CDK12: variants seen among roughly 807,000 people sequenced by gnomAD.
CDK12 encodes cyclin dependent kinase 12, also known as cyclin-dependent kinase 12.
CDK12 carries 17 observed loss-of-function variants against 133.8 expected under a neutral mutation model. The observed-to-expected ratio is 0.13, with a 90% CI of 0.09 to 0.19. The LOEUF (loss-of-function observed/expected upper bound fraction) is 0.19, where lower values mean the gene tolerates loss of function less well. Among genes scored for constraint, CDK12 ranks in the 10% least tolerant of loss-of-function variants. CDK12 has a pLI of 1.00. For missense variants in CDK12, 1,508 were observed against 1,818.7 expected, an observed-to-expected ratio of 0.83 and a Z score of 3.11; for synonymous variants, 694 against 683.6, an observed-to-expected ratio of 1.02 and a Z score of -0.24.
At chr17:39,557,228 G>A (rs756099900) in intron 3 of CDK12, among the ~76,000 whole-genome samples, 8 of 152,166 alleles carry the variant, frequency 5.3e-5, no homozygotes, top group Non-Finnish European at 7.4e-5. Context: ...GAAGCCGGCC[G>A]CTGAGTCTGG....
intron 2 of CDK12, among the ~76,000 whole-genome samples, chr17:39,487,515 A>G (rs1342888985): frequency 6.6e-6 from 1 of 151,886 alleles, no homozygotes; most frequent in African/African-American, 2.4e-5. Flanking sequence ...GAAGGAATAG[A>G]GAAGACCTAT....
intron 2 of CDK12, among the ~76,000 whole-genome samples, chr17:39,475,192 A>G (rs2050101972): frequency 6.6e-6 from 1 of 151,402 alleles, no homozygotes; most frequent in South Asian, 2.1e-4. Flanking sequence ...ATAGGTATTT[A>G]TGGACTGAGC....
intron 2 of CDK12, 126 bp from the exon 3 acceptor site, chr17:39,490,431 A>G: frequency 5.0e-6 from 3 of 601,848 alleles, no homozygotes; most frequent in Non-Finnish European, 8.7e-6. Flanking sequence ...ATGTTATAGT[A>G]CAGGTTTTTT....
chr17:39,544,603 G>C (rs2055583730), upstream of CDK12, among the ~76,000 whole-genome samples: 1 of 143,890 alleles, frequency 6.9e-6, no homozygotes, highest in Non-Finnish European at 1.5e-5. Context: ...TCAGCCTCTT[G>C]AGTAGCTGGG....
At chr17:39,477,967 A>G (rs933555792) in intron 2 of CDK12, among the ~76,000 whole-genome samples, 37 of 151,512 alleles carry the variant, frequency 2.4e-4, no homozygotes, top group Non-Finnish European at 5.9e-5. Context: ...CGGCCTCCCA[A>G]AGTGCTGGGA....
intron 2 of CDK12, among the ~76,000 whole-genome samples, chr17:39,475,650 A>T (rs989872260): frequency 6.7e-6 from 1 of 149,274 alleles, no homozygotes; most frequent in African/African-American, 2.5e-5. Context: ...GGTTCAGGCG[A>T]TTCTTCTACC....
chr17:39,548,975 C>T (rs1020191773), upstream of CDK12: 4 of 152,300 alleles, frequency 2.6e-5, no homozygotes, highest in African/African-American at 9.6e-5. Flanking sequence ...ACAGCTGGCG[C>T]TCCCCCCAGC....
chr17:39,469,967 TA>T (rs1242540125), intron 1 of CDK12, among the ~76,000 whole-genome samples: 1 of 152,132 alleles, frequency 6.6e-6, no homozygotes, highest in Non-Finnish European at 1.5e-5. Flanking sequence ...GTTTTCACTT[TA>T]TCAAAGATTA....
chr17:39,472,893 G>A (rs970294652), intron 2 of CDK12, among the ~76,000 whole-genome samples: 2 of 151,712 alleles, frequency 1.3e-5, no homozygotes, highest in African/African-American at 2.4e-5. Context: ...GGCTAACAAC[G>A]GTGAAACCCT....
chr17:39,482,151 T>G (rs2050766506), intron 2 of CDK12, among the ~76,000 whole-genome samples: 1 of 151,646 alleles, frequency 6.6e-6, no homozygotes, highest in East Asian at 1.9e-4. Flanking sequence ...GTAGCTGGAT[T>G]ACAGGCGTGT....
intron 10 of CDK12, among the ~76,000 whole-genome samples, chr17:39,518,479 A>G (rs1312132144): frequency 6.6e-6 from 1 of 151,726 alleles, no homozygotes; most frequent in African/African-American, 2.4e-5. Context: ...CACTCGTGCT[A>G]CCACGCCTGG....
intron 2 of CDK12, among the ~76,000 whole-genome samples, chr17:39,479,368 TTTATC>T (rs1329293703): frequency 1.3e-5 from 2 of 152,084 alleles, no homozygotes; most frequent in African/African-American, 4.8e-5. Context: ...TATTCTCTGT[TTTATC>T]TTCTCACTCG....
downstream of CDK12, among the ~76,000 whole-genome samples, chr17:39,565,995 G>A (rs1208978893): frequency 6.6e-6 from 1 of 152,138 alleles, no homozygotes; most frequent in Non-Finnish European, 1.5e-5. Context: ...GTAGAGTCAG[G>A]AGACTTGGAT....
In CDK12 at chr17:39,517,588, T is replaced by A. The variant is rs1280005011; in HGVS notation, c.2963+32T>A. ...TTGGGGAAAATGAACATCTCGTTTC[T>A]GTGTCTGGCTGGTGTTGGGACTTGG... On this transcript the variant is annotated intron_variant, in intron 10 of 13. Coordinates refer to ENST00000447079, the MANE Select transcript of CDK12 (RefSeq NM_016507.4). 4 of 1,324,586 alleles carry A rather than the reference T, an allele frequency of 3.0e-6. No homozygotes were observed. In the East Asian group the frequency reaches 9.2e-5, roughly 30 times the overall value. The allele number at this position is 1,324,586 out of a possible 1,614,324, so 82.1% of individuals were successfully genotyped here.
intron 3 of CDK12, among the ~76,000 whole-genome samples, chr17:39,563,703 G>A (rs2056472021): frequency 6.6e-6 from 1 of 152,104 alleles, no homozygotes; most frequent in Non-Finnish European, 1.5e-5. Context: ...GGATGGCGGA[G>A]GAAGATTAAG....
chr17:39,490,744 G>C lies in CDK12; in HGVS notation c.2108+11G>C. ...TAAAAAGAGACCAAAGTGAGTTTTTGGAGGAATCTGTCTTTCATGATAGTT... is the reference window on the plus strand; with the variant it reads ...TAAAAAGAGACCAAAGTGAGTTTTTCGAGGAATCTGTCTTTCATGATAGTT... On this transcript the variant is annotated intron_variant, in intron 3 of 13. Transcript: ENST00000447079. 6.3e-7 allele frequency: 1 copy of C among 1,581,888 alleles called. No homozygotes were observed. The highest frequency in any genetic ancestry group is 8.6e-7 in the Non-Finnish European group (1 of 1,160,310).
chr17:39,464,088 G>A (rs958111521), intron 1 of CDK12, among the ~76,000 whole-genome samples: 2 of 152,092 alleles, frequency 1.3e-5, no homozygotes, highest in African/African-American at 4.8e-5. Flanking sequence ...ACTTTTAAGG[G>A]TTGTGATGAT....
chr17:39,551,228 C>T (rs1363383248), intron 2 of CDK12: 1 of 152,090 alleles, frequency 6.6e-6, no homozygotes, highest in Admixed American at 6.6e-5. Context: ...AGTTTCTATC[C>T]CCTGTCTTAG....
intron 2 of CDK12, among the ~76,000 whole-genome samples, chr17:39,488,692 G>A (rs969077522): frequency 5.5e-4 from 83 of 152,164 alleles, no homozygotes; most frequent in Admixed American, 1.6e-3. Flanking sequence ...TGAACTCCAC[G>A]AGTTGCAGTG....
Sources: allele counts gnomAD v4.1 joint callset (sites outside exome capture counted in the v4.1 genomes callset), GRCh38; gene constraint gnomAD v4.1.1; transcripts MANE v1.5; gene names NCBI Gene and HGNC (gene_info 2026-07-23, HGNC 2026-07-21).